The following DNAAF5 variants were observed in gnomAD, a reference collection of about 807,000 sequenced individuals.
The protein encoded by DNAAF5 is HEAT repeat containing 2.
Under a neutral mutation model 75.8 loss-of-function variants are expected in DNAAF5, and 64 were observed. That is an observed-to-expected ratio of 0.84 (90% CI 0.69 to 1.04). The LOEUF (loss-of-function observed/expected upper bound fraction) is 1.04. DNAAF5 is among the 50% of genes least tolerant of loss of function. The probability of loss-of-function intolerance (pLI) is 0.00; values close to 1 mark genes in which losing one functional copy is unlikely to be tolerated. For synonymous variants in DNAAF5, 657 were observed against 557.2 expected, an observed-to-expected ratio of 1.18 and a Z score of -2.52; for missense variants, 1,269 against 1,178.5, an observed-to-expected ratio of 1.08 and a Z score of -1.12.
At position 770,599 on chromosome 7, in the gene DNAAF5, G is replaced by A. The variant is rs1243345761; in HGVS notation, c.1912G>A (p.Asp638Asn). 1.2e-6 allele frequency: 2 copies of A among 1,613,666 alleles called. No homozygotes were observed. The highest frequency in any genetic ancestry group is 8.5e-7 in the Non-Finnish European group (1 of 1,179,962). The stretch of plus-strand genomic sequence containing the variant: ...GTCCACCGTGCTGCTCAGAGCCACG[G>A]ACACCATCAACTCCCAGGGGTAGGT... ...ILSTVLLRATDTINSQGQFPS... is the reference protein window; with the variant it reads ...ILSTVLLRATNTINSQGQFPS... The change falls in exon 9 of 13, where the codon GAC becomes AAC. Residue 638 changes from aspartate (D) to asparagine (N), a missense_variant. Transcript: ENST00000297440.
chr7:752,524 G>A (rs7457174), intron 4 of DNAAF5, among the ~76,000 whole-genome samples: 81 of 26,604 alleles, frequency 3.0e-3, no homozygotes, highest in African/African-American at 8.3e-3. Flanking sequence ...ACCGCGGGCC[G>A]GGCCACGCTT....
chr7:765,549 T>C (rs1782793816), intron 8 of DNAAF5, among the ~76,000 whole-genome samples: 1 of 152,184 alleles, frequency 6.6e-6, no homozygotes, highest in East Asian at 1.9e-4. Flanking sequence ...GTTCTTCCTC[T>C]TTGCAGAAGC....
rs1184969794 is a variant in DNAAF5 at position 756,902 on chromosome 7, A to G, written c.1378A>G (p.Met460Val). ...CGGCCTCCTGGTGCTGGCCTCCGCC[A>G]TGCGGGGTTGCCCCCGAGAAGCCCT... Reference protein sequence around the residue: ...ASGLLVLASAMRGCPREALQP... With the variant: ...ASGLLVLASAVRGCPREALQP... Residue 460 changes from methionine to valine, a missense_variant, in exon 6 of 13, where the codon ATG (methionine) becomes GTG (valine). By Grantham distance (21) the Met-to-Val change is conservative. Transcript: ENST00000297440. 4 of 1,612,404 alleles carry G rather than the reference A, an allele frequency of 2.5e-6. No homozygotes were observed. In the African/African-American group the frequency reaches 5.3e-5, roughly 22 times the overall value.
intron 9 of DNAAF5, chr7:771,518 G>A (rs1463018261): frequency 2.0e-5 from 3 of 152,268 alleles, no homozygotes; most frequent in Non-Finnish European, 2.9e-5. Context: ...GAGTCCAGGC[G>A]CTCAGACTTT....
At chr7:764,635 C>T (rs1191932523) in intron 8 of DNAAF5, among the ~76,000 whole-genome samples, 1 of 152,212 alleles carries the variant, frequency 6.6e-6, no homozygotes, top group Non-Finnish European at 1.5e-5. Flanking sequence ...CCAGGGTGGT[C>T]GTGCTCTGCA....
At chr7:752,701 T>C (rs1371673256) in intron 4 of DNAAF5, among the ~76,000 whole-genome samples, 3 of 152,168 alleles carry the variant, frequency 2.0e-5, no homozygotes, top group Admixed American at 2.0e-4. Context: ...AAAAGACCGC[T>C]CTGTAACAGG....
At chr7:733,326 T>C (rs1781641029) in intron 2 of DNAAF5, among the ~76,000 whole-genome samples, 1 of 152,210 alleles carries the variant, frequency 6.6e-6, no homozygotes, top group African/African-American at 2.4e-5. Flanking sequence ...TTTTTTCTAT[T>C]TCTGTGAAGA....
intron 11 of DNAAF5, among the ~76,000 whole-genome samples, chr7:779,722 C>G (rs1340271633): frequency 2.0e-5 from 3 of 152,170 alleles, no homozygotes; most frequent in Non-Finnish European, 4.4e-5. Flanking sequence ...ATTACAGGGG[C>G]CGCAGCAGGG....
intron 4 of DNAAF5, among the ~76,000 whole-genome samples, chr7:752,712 G>T (rs1255908812): frequency 6.6e-6 from 1 of 152,240 alleles, no homozygotes; most frequent in Non-Finnish European, 1.5e-5. Context: ...CTGTAACAGG[G>T]TAAAGCAATG....
intron 10 of DNAAF5, 116 bp from the exon 11 acceptor site, chr7:774,890 T>C: frequency 1.2e-6 from 1 of 827,660 alleles, no homozygotes; most frequent in Non-Finnish European, 2.0e-6. Context: ...GCCTACTTTT[T>C]AGGTAAAGCT....
chr7:773,314 C>T (rs1389689352), intron 9 of DNAAF5, among the ~76,000 whole-genome samples: 5 of 152,272 alleles, frequency 3.3e-5, no homozygotes, highest in Admixed American at 1.3e-4. Flanking sequence ...GGAAGGGACG[C>T]TGTGCAGGCT....
intron 4 of DNAAF5, among the ~76,000 whole-genome samples, chr7:744,560 T>C (rs1207336807): frequency 6.6e-6 from 1 of 151,756 alleles, no homozygotes; most frequent in African/African-American, 2.4e-5. Context: ...AAAATGCTCA[T>C]GATCACTGGC....
intron 8 of DNAAF5, among the ~76,000 whole-genome samples, chr7:764,395 A>G (rs1313071017): frequency 6.6e-6 from 1 of 152,174 alleles, no homozygotes; most frequent in Admixed American, 6.5e-5. Flanking sequence ...CGGATCAGCC[A>G]CTTTTCCTGG....
chr7:748,265 G>A (rs1369628282), intron 4 of DNAAF5, among the ~76,000 whole-genome samples: 1 of 138,646 alleles, frequency 7.2e-6, no homozygotes, highest in Non-Finnish European at 1.6e-5. Context: ...TGTCCGGCTG[G>A]TGTGCAGTGG....
intron 9 of DNAAF5, chr7:770,834 G>A (rs1583513618): frequency 2.0e-6 from 1 of 495,402 alleles, no homozygotes; most frequent in East Asian, 3.1e-5. Flanking sequence ...AGGTGGGCCG[G>A]GGGTCCCCAC....
intron 2 of DNAAF5, among the ~76,000 whole-genome samples, chr7:735,166 G>A (rs1183072260): frequency 6.8e-6 from 1 of 148,052 alleles, no homozygotes; most frequent in Non-Finnish European, 1.5e-5. Context: ...GTAGTTCATG[G>A]TGTAGCTGCT....
chr7:756,395 G>T lies in DNAAF5; in HGVS notation c.1258-387G>T, dbSNP rs1478703565. Reference sequence around the variant, plus strand: ...CACTGTGGAATCCCACGGTGCAGAGGGGCTGGTGAGTGTGTGATCCACTGT... The same window carrying T: ...CACTGTGGAATCCCACGGTGCAGAGTGGCTGGTGAGTGTGTGATCCACTGT... On this transcript the variant is annotated intron_variant, in intron 5 of 12. Coordinates refer to ENST00000297440, the MANE Select transcript of DNAAF5 (RefSeq NM_017802.4). 3.2e-4 allele frequency among the ~76,000 whole-genome samples: 48 copies of T among 151,862 alleles called. 2 individuals are homozygous for T. The highest frequency in any genetic ancestry group is 2.9e-5 in the Non-Finnish European group (2 of 67,946).
intron 10 of DNAAF5, 79 bp from the exon 11 acceptor site, chr7:774,927 A>T (rs1287926371): frequency 7.9e-6 from 10 of 1,266,662 alleles, no homozygotes; most frequent in Non-Finnish European, 1.0e-5. Context: ...CCTTCCAGGC[A>T]GGAGTGCACG....
intron 2 of DNAAF5, among the ~76,000 whole-genome samples, chr7:736,812 A>G (rs978546738): frequency 2.0e-5 from 3 of 151,548 alleles, no homozygotes; most frequent in Admixed American, 1.3e-4. Flanking sequence ...TTTTATGAAG[A>G]TGATTTTCTC....
Sources: gnomAD v4.1 joint callset for allele counts (sites outside exome capture counted in the v4.1 genomes callset) on GRCh38, gnomAD v4.1.1 for gene constraint, MANE v1.5 for transcripts, NCBI Gene and HGNC (gene_info 2026-07-23, HGNC 2026-07-21) for gene names.